The following TCF7L1 variants were observed in gnomAD, a reference collection of about 807,000 sequenced individuals.
TCF7L1 encodes the protein transcription factor 7 like 1.
A neutral mutation model predicts 63.7 loss-of-function variants in TCF7L1; 18 were observed. The ratio of observed to expected loss-of-function variants is 0.28; its 90% CI spans 0.20 to 0.42. The LOEUF (loss-of-function observed/expected upper bound fraction) is 0.42. Among genes scored for constraint, TCF7L1 ranks in the 10% least tolerant of loss-of-function variants. The probability of loss-of-function intolerance (pLI) is 1.00; values close to 1 mark genes in which losing one functional copy is unlikely to be tolerated. For missense variants in TCF7L1, 654 were observed against 779.3 expected, an observed-to-expected ratio of 0.84 and a Z score of 1.91; for synonymous variants, 355 against 340.9, an observed-to-expected ratio of 1.04 and a Z score of -0.46.
rs1453910175 is a variant in TCF7L1, at chr2:85,306,123, A to G, written c.990-83A>G. The G allele has an allele frequency of 1.9e-6, 3 of 1,566,362 alleles. No individual in the cohort carries two copies. The highest frequency in any genetic ancestry group is 1.3e-5 in the African/African-American group (1 of 74,146). On this transcript the variant is annotated intron_variant, in intron 8 of 11. Coordinates refer to ENST00000282111, the MANE Select transcript of TCF7L1 (RefSeq NM_031283.3). This position sits in a 1 kb window ranked among gnomAD's most constrained non-coding sequence, Gnocchi z 4.3. ...CAGCCCGCGCCCCTCCCCAGAGACA[A>G]TCAGCGGTGTTTCAGTGACAGGTGG...
At position 85,308,376 on chromosome 2, in the gene TCF7L1, CCTTT is replaced by C. The variant is rs1682171899; in HGVS notation, c.1334-651_1334-648del. ...CCCTCCCTCCCTTTCTTCCTCCCTC[CCTTT>C]CACCTTCCCTCCCATTCTCCTTCCC... On this transcript the variant is annotated intron_variant, in intron 11 of 11. Transcript: ENST00000282111. Among the ~76,000 whole-genome samples, 10 of 108,564 alleles carry C rather than the reference CCTTT, an allele frequency of 9.2e-5. 2 individuals carry two copies. The highest frequency in any genetic ancestry group is 3.7e-4 in the East Asian group (1 of 2,674). 71.2% of individuals were successfully genotyped at this position (108,564 alleles called of 152,430 possible).
chr2:85,135,111 T>C (rs1399452625), intron 3 of TCF7L1, among the ~76,000 whole-genome samples: 3 of 152,332 alleles, frequency 2.0e-5, no homozygotes, highest in Admixed American at 2.0e-4. Context: ...TTAAACCTGT[T>C]AATGGGCGCG....
At chr2:85,221,088 C>T (rs1257900327) in intron 3 of TCF7L1, among the ~76,000 whole-genome samples, 1 of 152,038 alleles carries the variant, frequency 6.6e-6, no homozygotes, top group African/African-American at 2.4e-5. Context: ...ACTCAGCAGC[C>T]AAACTGAGTA....
intron 3 of TCF7L1, among the ~76,000 whole-genome samples, chr2:85,153,251 G>A (rs1266097683): frequency 6.6e-6 from 1 of 152,022 alleles, no homozygotes; most frequent in Non-Finnish European, 1.5e-5. Flanking sequence ...GTAGAACAGT[G>A]CCTGGCACAC....
chr2:85,228,735 G>A (rs1680008383), intron 3 of TCF7L1, among the ~76,000 whole-genome samples: 1 of 152,114 alleles, frequency 6.6e-6, no homozygotes. Context: ...TGAACCTTAG[G>A]CTGGGCTCGG....
At chr2:85,307,778 C>T in intron 11 of TCF7L1, 61 bp downstream of exon 11, 2 of 1,464,528 alleles carry the variant, frequency 1.4e-6, no homozygotes, top group Non-Finnish European at 1.9e-6. Context: ...CACACCTGCC[C>T]ATGCTGTCTC....
intron 3 of TCF7L1, among the ~76,000 whole-genome samples, chr2:85,275,007 G>C (rs901606059): frequency 1.3e-5 from 2 of 152,196 alleles, no homozygotes; most frequent in Non-Finnish European, 2.9e-5. Context: ...GTGGAAACCA[G>C]AGGTTCTGAA....
chr2:85,148,467 G>A (rs1457374790), intron 3 of TCF7L1, among the ~76,000 whole-genome samples: 1 of 152,186 alleles, frequency 6.6e-6, no homozygotes, highest in African/African-American at 2.4e-5. Flanking sequence ...AGTTGGCTGT[G>A]TCCCTATGCC....
chr2:85,217,553 C>T (rs1679736704), intron 3 of TCF7L1, among the ~76,000 whole-genome samples: 1 of 152,188 alleles, frequency 6.6e-6, no homozygotes, highest in Non-Finnish European at 1.5e-5. Flanking sequence ...CCACTGCCAA[C>T]CAGTATCCTC....
At chr2:85,196,291 C>T (rs6728057) in intron 3 of TCF7L1, among the ~76,000 whole-genome samples, 6,420 of 152,284 alleles carry the variant, frequency 0.042, 137 homozygotes, top group Middle Eastern at 0.085. Flanking sequence ...AGACAAACTT[C>T]GCTATATTGC....
chr2:85,209,860 T>A (rs1456090943), intron 3 of TCF7L1, among the ~76,000 whole-genome samples: 1 of 152,178 alleles, frequency 6.6e-6, no homozygotes, highest in African/African-American at 2.4e-5. Context: ...CCAGGGAGTC[T>A]AATTTAGCAG....
chr2:85,144,347 G>A (rs993269762), intron 3 of TCF7L1, among the ~76,000 whole-genome samples: 3 of 150,064 alleles, frequency 2.0e-5, no homozygotes, highest in Non-Finnish European at 3.0e-5. Flanking sequence ...TTGGGAGGCT[G>A]AGGCAGACAG....
chr2:85,243,232 C>T (rs1680379684), intron 3 of TCF7L1, among the ~76,000 whole-genome samples: 1 of 152,136 alleles, frequency 6.6e-6, no homozygotes, highest in Admixed American at 6.5e-5. Flanking sequence ...CCTTGCTGTC[C>T]CTTTGTGTTT....
intron 3 of TCF7L1, among the ~76,000 whole-genome samples, chr2:85,202,576 C>T (rs980872282): frequency 1.3e-5 from 2 of 152,136 alleles, no homozygotes; most frequent in African/African-American, 4.8e-5. Flanking sequence ...TTTATAATTT[C>T]AGTTCTTAGA....
intron 3 of TCF7L1, among the ~76,000 whole-genome samples, chr2:85,211,406 A>T (rs982888862): frequency 2.0e-5 from 3 of 152,246 alleles, no homozygotes; most frequent in African/African-American, 7.2e-5. Flanking sequence ...CTGGGTCAGT[A>T]TTACCAACCT....
intron 3 of TCF7L1, among the ~76,000 whole-genome samples, chr2:85,183,907 T>C (rs1678859031): frequency 6.6e-6 from 1 of 152,046 alleles, no homozygotes; most frequent in African/African-American, 2.4e-5. Flanking sequence ...GACAAACAGA[T>C]GATAGCAAGG....
chr2:85,185,224 C>T (rs1678890663), intron 3 of TCF7L1, among the ~76,000 whole-genome samples: 1 of 152,036 alleles, frequency 6.6e-6, no homozygotes, highest in Non-Finnish European at 1.5e-5. Context: ...CTACTCTGTG[C>T]CAGGCCAGCG....
intron 3 of TCF7L1, among the ~76,000 whole-genome samples, chr2:85,181,780 G>A (rs1233278462): frequency 2.0e-5 from 3 of 152,144 alleles, no homozygotes; most frequent in South Asian, 2.1e-4. Flanking sequence ...CAGGGCGCTC[G>A]TCTGGTGTTG....
chr2:85,203,552 C>A (rs1679326692), intron 3 of TCF7L1, among the ~76,000 whole-genome samples: 1 of 152,042 alleles, frequency 6.6e-6, no homozygotes, highest in African/African-American at 2.4e-5. Context: ...CATAGCAAGA[C>A]CCTGTCTCTA....
Sources: allele counts gnomAD v4.1 joint callset (sites outside exome capture counted in the v4.1 genomes callset), GRCh38; gene constraint gnomAD v4.1.1; non-coding constraint Gnocchi (gnomAD v3.1); transcripts MANE v1.5; gene names NCBI Gene and HGNC (gene_info 2026-07-23, HGNC 2026-07-21).